Variants in NTM observed in about 807,000 individuals in gnomAD.
NTM encodes the protein IgLON family member 2.
Under a neutral mutation model 42.1 loss-of-function variants are expected in NTM, and 13 were observed. The ratio of observed to expected loss-of-function variants is 0.31; its 90% confidence interval spans 0.20 to 0.49. The LOEUF is 0.49. NTM is among the 20% of genes least tolerant of loss of function. The pLI is 0.99. For missense variants in NTM, 373 were observed against 452.8 expected, an observed-to-expected ratio of 0.82 and a Z score of 1.60; for synonymous variants, 187 against 179.2, an observed-to-expected ratio of 1.04 and a Z score of -0.35.
chr11:132,172,476 G>A (rs2076243867), intron 3 of NTM, among the ~76,000 whole-genome samples: 1 of 152,144 alleles, frequency 6.6e-6, no homozygotes, highest in Non-Finnish European at 1.5e-5. Context: ...ACAGGATGTG[G>A]GGGAAATGCA....
At chr11:131,743,511 A>C (rs2081433115) in intron 1 of NTM, among the ~76,000 whole-genome samples, 1 of 152,224 alleles carries the variant, frequency 6.6e-6, no homozygotes, top group Non-Finnish European at 1.5e-5. Flanking sequence ...AAAAGGAATA[A>C]TTCACCATGC....
chr11:132,221,467 G>T (rs543711631), intron 4 of NTM, among the ~76,000 whole-genome samples: 5 of 152,254 alleles, frequency 3.3e-5, no homozygotes, highest in African/African-American at 1.2e-4. Context: ...GCAGACGTGG[G>T]TTCCAAGCCA....
intron 1 of NTM, among the ~76,000 whole-genome samples, chr11:131,705,955 A>T (rs2076549982): frequency 6.6e-6 from 1 of 152,130 alleles, no homozygotes; most frequent in African/African-American, 2.4e-5. Flanking sequence ...AAAACAATTA[A>T]CAAAATAGCC....
chr11:131,377,577 A>G (rs566899873), intron 1 of NTM, among the ~76,000 whole-genome samples: 1 of 152,328 alleles, frequency 6.6e-6, no homozygotes, highest in Admixed American at 6.5e-5. Flanking sequence ...TTGCTATCCA[A>G]TCATCACATC....
chr11:131,629,462 G>A (rs1717088921), intron 1 of NTM, among the ~76,000 whole-genome samples: 1 of 152,174 alleles, frequency 6.6e-6, no homozygotes, highest in African/African-American at 2.4e-5. Context: ...TTACATGAAG[G>A]ACAGAACAGG....
chr11:131,750,411 T>C (rs1255144036), intron 1 of NTM, among the ~76,000 whole-genome samples: 1 of 152,178 alleles, frequency 6.6e-6, no homozygotes, highest in African/African-American at 2.4e-5. Context: ...TCCCCAGAGC[T>C]TGCCACACTG....
rs116335473 is a variant in NTM at position 131,860,360 on chromosome 11, C to A, written c.83-51204C>A. On this transcript the variant is annotated intron_variant, in intron 1 of 8. Transcript: ENST00000683400. ...AGGCACAGGCAGAGTCTGAAGGAAC[C>A]CATGTGAGACTTTCTTATGCTCTTT... is the stretch of plus-strand genomic sequence containing the variant. Among the ~76,000 whole-genome samples, 444 of 152,240 alleles carry A rather than the reference C, an allele frequency of 2.9e-3. 5 individuals carry two copies. The highest frequency in any genetic ancestry group is 0.01 in the African/African-American group (425 of 41,548).
intron 1 of NTM, among the ~76,000 whole-genome samples, chr11:131,644,420 C>A (rs2065518834): frequency 6.6e-6 from 1 of 152,078 alleles, no homozygotes; most frequent in Non-Finnish European, 1.5e-5. Flanking sequence ...CCATTCTGTT[C>A]TTTTGATTAT....
chr11:131,876,638 T>C (rs933556698), intron 1 of NTM, among the ~76,000 whole-genome samples: 5 of 152,204 alleles, frequency 3.3e-5, no homozygotes, highest in African/African-American at 9.6e-5. Flanking sequence ...CTTTGTGCAG[T>C]AGAACCACCA....
At chr11:131,893,471 T>C (rs1375174740) in intron 1 of NTM, among the ~76,000 whole-genome samples, 1 of 152,148 alleles carries the variant, frequency 6.6e-6, no homozygotes, top group Non-Finnish European at 1.5e-5. Flanking sequence ...AGGAGTATTA[T>C]TCTTGGTGCA....
chr11:131,929,301 G>T (rs538865548), intron 2 of NTM, among the ~76,000 whole-genome samples: 8 of 150,786 alleles, frequency 5.3e-5, no homozygotes, highest in African/African-American at 2.0e-4. Flanking sequence ...GCTGAGGAGG[G>T]ATCATCCTTG....
At chr11:132,205,135 A>G (rs1309267074) in intron 3 of NTM, among the ~76,000 whole-genome samples, 1 of 152,150 alleles carries the variant, frequency 6.6e-6, no homozygotes, top group African/African-American at 2.4e-5. Context: ...AGATGCGGGC[A>G]TCTCCAGTCT....
intron 1 of NTM, among the ~76,000 whole-genome samples, chr11:131,520,303 GAGATATTATCAATAA>G (rs2049459926): frequency 6.6e-6 from 1 of 151,998 alleles, no homozygotes. Context: ...TAAAACTTTT[GAGATATTATCAATAA>G]AGATATTATC....
intron 1 of NTM, among the ~76,000 whole-genome samples, chr11:131,445,161 C>T (rs758203742): frequency 2.0e-5 from 3 of 152,060 alleles, no homozygotes; most frequent in African/African-American, 4.8e-5. Flanking sequence ...TTTAACTTTC[C>T]TCCCAAATGA....
intron 4 of NTM, among the ~76,000 whole-genome samples, chr11:132,256,055 C>T (rs1223571962): frequency 2.6e-5 from 4 of 152,216 alleles, no homozygotes; most frequent in Non-Finnish European, 5.9e-5. Flanking sequence ...TGCACCACAT[C>T]TGTGCATACT....
intron 2 of NTM, among the ~76,000 whole-genome samples, chr11:132,053,752 A>T (rs1322844148): frequency 6.6e-6 from 1 of 152,214 alleles, no homozygotes; most frequent in Non-Finnish European, 1.5e-5. Flanking sequence ...ATCTTGTGTG[A>T]TGAATCCAGG....
At chr11:131,994,631 A>G (rs533805432) in intron 2 of NTM, among the ~76,000 whole-genome samples, 1 of 152,056 alleles carries the variant, frequency 6.6e-6, no homozygotes. Context: ...TCAGGGTTTC[A>G]TCATAAGCAC....
intron 4 of NTM, among the ~76,000 whole-genome samples, chr11:132,288,765 G>A (rs1245276584): frequency 2.6e-5 from 4 of 151,854 alleles, no homozygotes; most frequent in East Asian, 3.9e-4. Context: ...GATTACAGGC[G>A]CCCACCACCA....
At chr11:131,901,893 C>A (rs59450334) in intron 1 of NTM, among the ~76,000 whole-genome samples, 204 of 152,332 alleles carry the variant, frequency 1.3e-3, no homozygotes, top group African/African-American at 4.8e-3. Flanking sequence ...TCACGACCTG[C>A]AGTACCACTG....
Sources: gnomAD v4.1 joint callset for allele counts (sites outside exome capture counted in the v4.1 genomes callset) on GRCh38, gnomAD v4.1.1 for gene constraint, MANE v1.5 for transcripts, NCBI Gene and HGNC (gene_info 2026-07-23, HGNC 2026-07-21) for gene names.